The following BCL9 variants were observed in gnomAD, a reference collection of about 807,000 sequenced individuals.
The protein encoded by BCL9 is B-cell CLL/lymphoma 9 protein.
A neutral mutation model predicts 88.5 loss-of-function variants in BCL9; 25 were observed. The ratio of observed to expected loss-of-function variants is 0.28; its 90% CI spans 0.21 to 0.39. BCL9 has a LOEUF of 0.39. BCL9 is among the 10% of genes least tolerant of loss of function. The pLI is 1.00. For synonymous variants in BCL9, 711 were observed against 673.3 expected (o/e 1.06, Z -0.87); for missense variants, 1,817 against 1,877.8 (o/e 0.97, Z 0.60).
At chr1:147,614,399 T>C in intron 5 of BCL9, 28 bp from the exon 6 acceptor site, 1 of 1,607,468 alleles carries the variant, frequency 6.2e-7, no homozygotes, top group Non-Finnish European at 8.5e-7. Flanking sequence ...TTTTATTCTT[T>C]CTGTGACGAG....
chr1:147,546,430 G>GA (rs1443931169), intron 1 of BCL9, among the ~76,000 whole-genome samples: 1 of 152,014 alleles, frequency 6.6e-6, no homozygotes, highest in African/African-American at 2.4e-5. Context: ...CGAAAAAAGG[G>GA]ATCCTAGTTC....
intron 1 of BCL9, among the ~76,000 whole-genome samples, chr1:147,569,316 G>A (rs1428067835): frequency 2.0e-5 from 3 of 151,124 alleles, no homozygotes; most frequent in African/African-American, 7.3e-5. Flanking sequence ...AGAAGAGGAA[G>A]GGTCTGTCTC....
intron 1 of BCL9, among the ~76,000 whole-genome samples, chr1:147,568,975 G>C (rs2101523197): frequency 6.6e-6 from 1 of 152,164 alleles, no homozygotes; most frequent in Non-Finnish European, 1.5e-5. Flanking sequence ...CCTTCAGGGA[G>C]CACACTGTGT....
chr1:147,543,881 A>G (rs1295479949), intron 1 of BCL9, among the ~76,000 whole-genome samples: 2 of 152,116 alleles, frequency 1.3e-5, no homozygotes, highest in East Asian at 3.9e-4. Context: ...CACTTGGCCA[A>G]CCAAAGAGAG....
In BCL9 at chr1:147,619,791, C is replaced by T; in HGVS notation, c.1636C>T (p.Pro546Ser). The stretch of plus-strand genomic sequence containing the variant: ...TATCAACATGCCACATTCTCTGCCC[C>T]CGAGGGGCATGGCTCCCCACCCCAA... ...DGINMPHSLP[P>S]RGMAPHPNMP... Residue 546 changes from proline (P) to serine (S), a missense_variant, in exon 8 of 10, where the codon CCG becomes TCG. Pro to Ser is a moderately conservative substitution (Grantham distance 74). This residue lies in a region of BCL9 where 1,228 missense variants were observed against 1,191.6 expected (regional missense o/e 1.03). Coordinates refer to ENST00000234739, the MANE Select transcript of BCL9 (RefSeq NM_004326.4). This position sits in a 1 kb window ranked among gnomAD's most constrained non-coding sequence, Gnocchi z 4.1. 6.2e-7 allele frequency: 1 copy of T among 1,614,154 alleles called. No individual in the cohort carries two copies. The highest frequency in any genetic ancestry group is 1.1e-5 in the South Asian group (1 of 91,086).
At chr1:147,607,752 T>G (rs1053541220) in intron 3 of BCL9, among the ~76,000 whole-genome samples, 2 of 152,146 alleles carry the variant, frequency 1.3e-5, no homozygotes, top group Non-Finnish European at 2.9e-5. Context: ...AGCCATTTAT[T>G]AAGATATGGA....
At chr1:147,570,150 A>G (rs1169686038) in intron 1 of BCL9, among the ~76,000 whole-genome samples, 1 of 152,182 alleles carries the variant, frequency 6.6e-6, no homozygotes, top group African/African-American at 2.4e-5. Flanking sequence ...AGCTGGAGCT[A>G]TTGGTTTGAG....
chr1:147,564,257 C>T (rs587712187), intron 1 of BCL9, among the ~76,000 whole-genome samples: 1 of 152,170 alleles, frequency 6.6e-6, no homozygotes, highest in African/African-American at 2.4e-5. Flanking sequence ...TAAGTTTTTG[C>T]TCCTTTTCAT....
At chr1:147,555,771 A>C (rs1038920735) in intron 1 of BCL9, among the ~76,000 whole-genome samples, 4 of 152,200 alleles carry the variant, frequency 2.6e-5, no homozygotes, top group African/African-American at 9.6e-5. Flanking sequence ...CAGATTTTCC[A>C]GATTTAATGA....
intron 6 of BCL9, among the ~76,000 whole-genome samples, chr1:147,614,830 A>G (rs1553203541): frequency 1.4e-5 from 2 of 141,284 alleles, no homozygotes; most frequent in African/African-American, 5.3e-5. Flanking sequence ...AAATATACAT[A>G]TATATCTCTT....
chr1:147,546,870 C>A (rs776448185), intron 1 of BCL9, among the ~76,000 whole-genome samples: 1 of 152,136 alleles, frequency 6.6e-6, no homozygotes, highest in Non-Finnish European at 1.5e-5. Flanking sequence ...TGCAAGAGAC[C>A]AAAGAACCAT....
intron 6 of BCL9, 92 bp from the exon 7 acceptor site, chr1:147,615,711 T>C (rs1658241764): frequency 2.1e-6 from 2 of 935,804 alleles, no homozygotes; most frequent in African/African-American, 1.7e-5. Flanking sequence ...TCCTCTCCCT[T>C]ACAAGTTTAT....
chr1:147,546,559 A>G lies in BCL9; in HGVS notation c.-478+4885A>G, dbSNP rs939302693. 2.6e-5 allele frequency among the ~76,000 whole-genome samples: 4 copies of G among 152,278 alleles called. No individual in the cohort carries two copies. In the South Asian group the frequency reaches 8.3e-4, roughly 32 times the overall value. On this transcript the variant is annotated intron_variant, in intron 1 of 9. Transcript: ENST00000234739. Reference sequence around the variant, plus strand: ...TCTCTAGACCTCTCAGAATGAGGGAATTGGACTAAATCATCTTTAAGCTTC... The same window carrying G: ...TCTCTAGACCTCTCAGAATGAGGGAGTTGGACTAAATCATCTTTAAGCTTC...
At chr1:147,575,351 T>C (rs1323551159) in intron 1 of BCL9, among the ~76,000 whole-genome samples, 3 of 152,204 alleles carry the variant, frequency 2.0e-5, no homozygotes, top group African/African-American at 7.2e-5. Flanking sequence ...AATTTCATTG[T>C]CTGCCTTTCC....
At chr1:147,597,663 A>T (rs1303305419) in intron 1 of BCL9, among the ~76,000 whole-genome samples, 1 of 152,230 alleles carries the variant, frequency 6.6e-6, no homozygotes, top group African/African-American at 2.4e-5. Flanking sequence ...GAGGGCAAAA[A>T]TTCTAGTAAA....
intron 1 of BCL9, among the ~76,000 whole-genome samples, chr1:147,574,454 C>T (rs1656022202): frequency 6.6e-6 from 1 of 152,186 alleles, no homozygotes. Flanking sequence ...CATCTGTGCA[C>T]CTCCATGTCA....
intron 1 of BCL9, among the ~76,000 whole-genome samples, chr1:147,600,715 G>A (rs1657343530): frequency 6.6e-6 from 1 of 152,056 alleles, no homozygotes; most frequent in Non-Finnish European, 1.5e-5. Context: ...TTGGGATTGA[G>A]TTTGATGAGG....
At chr1:147,596,412 T>TC (rs1553200488) in intron 1 of BCL9, among the ~76,000 whole-genome samples, 460 of 2,122 alleles carry the variant, frequency 0.22, 118 homozygotes, top group Admixed American at 0.31. Context: ...CTTTTTTTTC[T>TC]TTTCTTTTTT....
intron 3 of BCL9, among the ~76,000 whole-genome samples, chr1:147,611,257 G>A (rs1657988427): frequency 1.3e-5 from 2 of 152,180 alleles, no homozygotes; most frequent in South Asian, 4.1e-4. Flanking sequence ...TGAGGGTTTT[G>A]TATTCAAAAC....
Sources: allele counts gnomAD v4.1 joint callset (sites outside exome capture counted in the v4.1 genomes callset), GRCh38; gene constraint gnomAD v4.1.1; regional missense constraint gnomAD v4.1.1; non-coding constraint Gnocchi (gnomAD v3.1); transcripts MANE v1.5; gene names NCBI Gene and HGNC (gene_info 2026-07-23, HGNC 2026-07-21).